The following ATAD2B variants were observed in gnomAD, a reference collection of about 807,000 sequenced individuals.
ATAD2B encodes ATPase family AAA domain-containing protein 2B.
A neutral mutation model predicts 167.6 loss-of-function variants in ATAD2B; 40 were observed. That is an observed-to-expected ratio of 0.24 (90% confidence interval 0.19 to 0.31). ATAD2B has a LOEUF of 0.31. Ranked by LOEUF, ATAD2B falls within the 10% of genes least tolerant of loss-of-function variation. ATAD2B has a pLI of 1.00. For missense variants in ATAD2B, 1,242 were observed against 1,757.2 expected, an observed-to-expected ratio of 0.71 and a Z score of 5.24; for synonymous variants, 579 against 596.5, an observed-to-expected ratio of 0.97 and a Z score of 0.43.
At chr2:23,873,253 G>C (rs1043739329) in intron 8 of ATAD2B, among the ~76,000 whole-genome samples, 3 of 151,960 alleles carry the variant, frequency 2.0e-5, no homozygotes, top group African/African-American at 7.3e-5. Context: ...AAGTTGTATT[G>C]GTCTAAGAAA....
Position 23,805,006 on chromosome 2 carries a change from G to A in ATAD2B, c.2454+5310C>T, listed in dbSNP as rs545442004. Among the ~76,000 whole-genome samples, 470 of 151,876 alleles carry A rather than the reference G, an allele frequency of 3.1e-3. 4 individuals are homozygous for A. Among genetic ancestry groups the A allele is most frequent in the African/African-American group, 0.011 (442 of 41,428 alleles). On this transcript the variant is annotated intron_variant, in intron 18 of 27. Transcript: ENST00000238789. ...AAAAATACAAAAATTAGCTGGGCGT[G>A]GTGGTGGGCGCCTATAATCCCACCT...
intron 19 of ATAD2B, 60 bp downstream of exon 19, chr2:23,798,078 C>G (rs941468100): frequency 2.6e-6 from 3 of 1,136,232 alleles, no homozygotes; most frequent in Non-Finnish European, 3.6e-6. Flanking sequence ...GTCCAATTTA[C>G]AGAGTCAACT....
the ATAD2B span, among the ~76,000 whole-genome samples, chr2:23,718,668 A>G: frequency 6.6e-6 from 1 of 152,238 alleles, no homozygotes; most frequent in African/African-American, 2.4e-5. Context: ...GCTTTAAGAC[A>G]ACAAATTTAT....
chr2:23,703,785 G>A, the ATAD2B span: 1 of 1,537,430 alleles, frequency 6.5e-7, no homozygotes, highest in Non-Finnish European at 8.7e-7. Context: ...GCTTATGCCA[G>A]AGCTACCACC....
rs1684829126 is a variant in ATAD2B at position 23,808,068 on chromosome 2, A to AATATATGAGTAATTATATATATAATTAT, written c.2454+2247_2454+2248insATAATTATATATATAATTACTCATATAT. Among the ~76,000 whole-genome samples, 4 of 60,920 alleles carry AATATATGAGTAATTATATATATAATTAT rather than the reference A, an allele frequency of 6.6e-5. No individual in the cohort carries two copies. In the South Asian group the frequency reaches 1.9e-3, roughly 28 times the overall value. 40.0% of individuals were successfully genotyped at this position (60,920 alleles called of 152,430 possible). ...TTATATATAAGTAACTATAAATTAT[A>AATATATGAGTAATTATATATATAATTAT]ATATATAAGTAATTATATATATAAT... On this transcript the variant is annotated intron_variant, in intron 18 of 27. Transcript: ENST00000238789.
chr2:23,760,412 G>A, intron 24 of ATAD2B, among the ~76,000 whole-genome samples: 1 of 152,038 alleles, frequency 6.6e-6, no homozygotes, highest in East Asian at 1.9e-4. Context: ...TGTACTTCCA[G>A]CACTTTGGGA....
chr2:23,886,453 A>G (rs921469000), intron 4 of ATAD2B, among the ~76,000 whole-genome samples: 17 of 152,272 alleles, frequency 1.1e-4, no homozygotes, highest in African/African-American at 4.1e-4. Context: ...TACAAATTCA[A>G]TCTTTTTATT....
At position 23,762,257 on chromosome 2, in the gene ATAD2B, G is replaced by C. The variant is rs765954513; in HGVS notation, c.3346C>G (p.Gln1116Glu). 1.9e-5 allele frequency: 31 copies of C among 1,613,418 alleles called. No homozygotes were observed. The highest frequency in any genetic ancestry group is 1.2e-4 in the South Asian group (11 of 91,052). The change falls in exon 24 of 28, where the codon CAA (glutamine) becomes GAA (glutamate). Residue 1116 changes from glutamine (Q) to glutamate (E), a missense_variant. By Grantham distance (29) the Gln-to-Glu change is conservative (BLOSUM62 2). Transcript: ENST00000238789. ...TGCCACACATCCATTGGATTTCTTT[G>C]TTTGTGCCGAAATGCCTCTTCGACT... ...TRVEEAFRHK[Q>E]RNPMDVWHNS...
chr2:23,762,729 C>T (rs1558497311), intron 23 of ATAD2B, among the ~76,000 whole-genome samples: 1 of 152,178 alleles, frequency 6.6e-6, no homozygotes, highest in Non-Finnish European at 1.5e-5. Flanking sequence ...ACCCCATTCC[C>T]GTGAACTGTT....
Position 23,927,040 on chromosome 2 carries a change from G to A in ATAD2B, c.-270C>T, listed in dbSNP as rs1178704444. The A allele has an allele frequency of 6.6e-6, 3 of 457,592 alleles. No individual in the cohort carries two copies. The highest frequency in any genetic ancestry group is 1.1e-5 in the Non-Finnish European group (3 of 261,044). 28.3% of individuals were successfully genotyped at this position (457,592 alleles called of 1,614,324 possible). Reference sequence around the variant, plus strand: ...TCGCCCTCCTCAGCGGGAGCCGAGCGGAGCCGCCATTTCTACCCCTTTCTC... The same window carrying A: ...TCGCCCTCCTCAGCGGGAGCCGAGCAGAGCCGCCATTTCTACCCCTTTCTC... On this transcript the variant is annotated 5_prime_UTR_variant, in exon 1 of 28. Coordinates refer to ENST00000238789, the MANE Select transcript of ATAD2B (RefSeq NM_017552.4).
intron 23 of ATAD2B, among the ~76,000 whole-genome samples, chr2:23,762,646 A>G (rs576758712): frequency 6.6e-6 from 1 of 151,994 alleles, no homozygotes; most frequent in South Asian, 2.1e-4. Context: ...CTGTGGAACA[A>G]TAAGATTATA....
intron 2 of ATAD2B, among the ~76,000 whole-genome samples, chr2:23,888,608 A>G (rs897878056): frequency 6.6e-6 from 1 of 152,184 alleles, no homozygotes; most frequent in African/African-American, 2.4e-5. Context: ...CTTTAATAAC[A>G]GATTATACAC....
chr2:23,717,311 A>G, the ATAD2B span, among the ~76,000 whole-genome samples: 1 of 152,112 alleles, frequency 6.6e-6, no homozygotes, highest in Non-Finnish European at 1.5e-5. Flanking sequence ...CAGTGAGAGG[A>G]GCTTTGTGCC....
intron 14 of ATAD2B, among the ~76,000 whole-genome samples, chr2:23,831,586 C>A (rs1054637572): frequency 3.9e-5 from 6 of 152,114 alleles, no homozygotes; most frequent in Admixed American, 2.0e-4. Flanking sequence ...GATGACCGTG[C>A]CTCCCAATTC....
chr2:23,770,186 T>G (rs1389982826), intron 22 of ATAD2B, among the ~76,000 whole-genome samples: 2 of 149,796 alleles, frequency 1.3e-5, no homozygotes, highest in Non-Finnish European at 3.0e-5. Context: ...CATGGTGGTG[T>G]GTGCCTACAA....
intron 19 of ATAD2B, among the ~76,000 whole-genome samples, chr2:23,797,129 T>A (rs577798045): frequency 6.6e-6 from 1 of 152,212 alleles, no homozygotes; most frequent in East Asian, 1.9e-4. Flanking sequence ...AAGAACTCAG[T>A]AAACAAACAC....
At chr2:23,834,146 G>GTTT in intron 13 of ATAD2B, 68 bp from the exon 14 acceptor site, 1 of 176,456 alleles carries the variant, frequency 5.7e-6, no homozygotes, top group Admixed American at 8.1e-5. Context: ...ACGTTTATCA[G>GTTT]TCTTTCTTTT....
intron 13 of ATAD2B, among the ~76,000 whole-genome samples, chr2:23,836,868 A>C (rs529128862): frequency 2.9e-4 from 44 of 152,098 alleles, no homozygotes; most frequent in African/African-American, 9.9e-4. Flanking sequence ...GGAAGTGCAC[A>C]CCAATTGGTC....
At chr2:23,691,316 C>T in the ATAD2B span, 10 of 294,606 alleles carry the variant, frequency 3.4e-5, no homozygotes, top group Admixed American at 2.5e-4. Context: ...TGGGATGCGT[C>T]GGCCTGCTTT....
Sources: gnomAD v4.1 joint callset for allele counts (sites outside exome capture counted in the v4.1 genomes callset) on GRCh38, gnomAD v4.1.1 for gene constraint, MANE v1.5 for transcripts, NCBI Gene and HGNC (gene_info 2026-07-23, HGNC 2026-07-21) for gene names.